The following SMAD9 variants were observed in gnomAD, a reference collection of about 807,000 sequenced individuals.
SMAD9 encodes the protein SMAD family member 9, also known as MAD homolog 9.
Under a neutral mutation model 46.1 loss-of-function variants are expected in SMAD9, and 36 were observed. The observed-to-expected ratio is 0.78, with a 90% CI of 0.60 to 1.03. The LOEUF (loss-of-function observed/expected upper bound fraction) is 1.03, where lower values mean the gene tolerates loss of function less well. Among genes scored for constraint, SMAD9 ranks in the 50% least tolerant of loss-of-function variants. The pLI is 0.00. For synonymous variants in SMAD9, 245 were observed against 237.1 expected (o/e 1.03, Z -0.31); for missense variants, 572 against 599.8 (o/e 0.95, Z 0.48).
In SMAD9 at chr13:36,848,487, C is replaced by A. The variant is rs1451733136; in HGVS notation, c.*189G>T. The A allele has an allele frequency of 3.2e-6, 2 of 633,872 alleles. No individual in the cohort carries two copies. Among genetic ancestry groups the A allele is most frequent in the East Asian group, 5.3e-5 (2 of 37,704 alleles). 39.3% of individuals were successfully genotyped at this position (633,872 alleles called of 1,614,324 possible). ...CACAGGCACCAAAGTCCTGCTTTTC[C>A]AATTGCACTGTACTGGCATCAGGTT... On this transcript the variant is annotated 3_prime_UTR_variant, in exon 7 of 7. Coordinates refer to ENST00000379826, the MANE Select transcript of SMAD9 (RefSeq NM_001127217.3).
intron 1 of SMAD9, among the ~76,000 whole-genome samples, chr13:36,914,064 G>A (rs2058680671): frequency 6.6e-6 from 1 of 152,126 alleles, no homozygotes; most frequent in Non-Finnish European, 1.5e-5. Context: ...AGCTCACTAG[G>A]ATCCTCTCAA....
intron 1 of SMAD9, among the ~76,000 whole-genome samples, chr13:36,911,452 T>G (rs1191110014): frequency 1.3e-5 from 2 of 152,112 alleles, no homozygotes; most frequent in African/African-American, 2.4e-5. Flanking sequence ...TCTATCTACT[T>G]AAGGTAATAT....
intron 1 of SMAD9, among the ~76,000 whole-genome samples, chr13:36,904,690 T>A (rs1277628699): frequency 2.6e-5 from 4 of 152,366 alleles, no homozygotes; most frequent in African/African-American, 9.6e-5. Flanking sequence ...ATCTTCTCAG[T>A]CAGTACCTTG....
intron 1 of SMAD9, among the ~76,000 whole-genome samples, chr13:36,905,789 A>C (rs1443997575): frequency 2.7e-5 from 1 of 36,778 alleles, no homozygotes; most frequent in Non-Finnish European, 5.6e-5. Flanking sequence ...AAAAAAAAAA[A>C]AAAAAAAAAA....
intron 1 of SMAD9, among the ~76,000 whole-genome samples, chr13:36,894,752 C>T: frequency 6.6e-6 from 1 of 152,138 alleles, no homozygotes; most frequent in Non-Finnish European, 1.5e-5. Context: ...TGGCATCATG[C>T]TGATTGAGGT....
In SMAD9 at chr13:36,865,716, G is replaced by C; in HGVS notation, c.824C>G (p.Ser275Trp). Residue 275 changes from serine (S) to tryptophan (W), a missense_variant, in exon 5 of 7, where the codon TCG (serine) becomes TGG (tryptophan). Coordinates refer to ENST00000379826, the MANE Select transcript of SMAD9 (RefSeq NM_001127217.3). ...VCYEEPQHWCSVAYYELNNRV... is the reference protein window; with the variant it reads ...VCYEEPQHWCWVAYYELNNRV... ...GTTGTTCAGTTCATAGTAGGCGACC[G>C]AGCACCAGTGCTGGGGCTCCTCGTA... The C allele has an allele frequency of 3.7e-6, 6 of 1,614,094 alleles. No individual in the cohort carries two copies. The highest frequency in any genetic ancestry group is 5.1e-6 in the Non-Finnish European group (6 of 1,180,014).
chr13:36,887,071 C>T (rs111646187), intron 1 of SMAD9, among the ~76,000 whole-genome samples: 1,341 of 112,624 alleles, frequency 0.012, 12 homozygotes, highest in Non-Finnish European at 0.016. Flanking sequence ...TTTGTAGAGA[C>T]GAGGTCCAGG....
chr13:36,920,435 G>A (rs2058737286), upstream of SMAD9, among the ~76,000 whole-genome samples: 1 of 151,610 alleles, frequency 6.6e-6, no homozygotes, highest in Admixed American at 6.6e-5. Context: ...CTCGCGGCGC[G>A]GGGGTGGCGG....
At chr13:36,905,700 G>A (rs894698744) in intron 1 of SMAD9, among the ~76,000 whole-genome samples, 2 of 146,402 alleles carry the variant, frequency 1.4e-5, no homozygotes, top group Non-Finnish European at 1.5e-5. Flanking sequence ...CTTGAGGCTG[G>A]GGAGTTCGAG....
At chr13:36,878,440 T>G (rs1395053942) in intron 2 of SMAD9, among the ~76,000 whole-genome samples, 1 of 152,214 alleles carries the variant, frequency 6.6e-6, no homozygotes, top group East Asian at 1.9e-4. Flanking sequence ...GGCTACACCA[T>G]ATAGCCTAAC....
At chr13:36,862,006 G>T (rs983398705) in intron 5 of SMAD9, among the ~76,000 whole-genome samples, 1 of 151,756 alleles carries the variant, frequency 6.6e-6, no homozygotes, top group African/African-American at 2.4e-5. Context: ...CAATCTTTTC[G>T]AAAGTGTAAA....
At chr13:36,854,442 A>T (rs2058103744) in intron 5 of SMAD9, among the ~76,000 whole-genome samples, 1 of 151,218 alleles carries the variant, frequency 6.6e-6, no homozygotes, top group Non-Finnish European at 1.5e-5. Context: ...ATTTCAGCTC[A>T]CTGCAACCTC....
intron 2 of SMAD9, among the ~76,000 whole-genome samples, chr13:36,876,274 G>A (rs1027833474): frequency 1.3e-5 from 2 of 152,082 alleles, no homozygotes; most frequent in African/African-American, 4.8e-5. Flanking sequence ...AAGTCATGTG[G>A]TTTTGATATA....
At chr13:36,913,745 C>T (rs1368457677) in intron 1 of SMAD9, among the ~76,000 whole-genome samples, 4 of 152,128 alleles carry the variant, frequency 2.6e-5, no homozygotes, top group African/African-American at 9.7e-5. Flanking sequence ...TTATTCAACT[C>T]CTATTCCTAA....
intron 1 of SMAD9, among the ~76,000 whole-genome samples, chr13:36,897,677 A>AT (rs908624706): frequency 9.9e-5 from 15 of 151,834 alleles, no homozygotes; most frequent in Admixed American, 3.3e-4. Context: ...AAAAATTCCT[A>AT]TTTTTTTTGA....
At chr13:36,860,906 C>G (rs1214096126) in intron 5 of SMAD9, among the ~76,000 whole-genome samples, 3 of 152,108 alleles carry the variant, frequency 2.0e-5, no homozygotes, top group African/African-American at 7.2e-5. Flanking sequence ...ATGAGATGTT[C>G]CAGGCTGCCC....
At chr13:36,858,152 CCT>C (rs1339478698) in intron 5 of SMAD9, among the ~76,000 whole-genome samples, 8 of 152,038 alleles carry the variant, frequency 5.3e-5, no homozygotes, top group African/African-American at 1.7e-4. Flanking sequence ...ATTATATTCC[CCT>C]CTCTGTTTTC....
chr13:36,915,506 C>G (rs1369521018), intron 1 of SMAD9, among the ~76,000 whole-genome samples: 1 of 151,890 alleles, frequency 6.6e-6, no homozygotes, highest in Non-Finnish European at 1.5e-5. Context: ...ATAATCCCCA[C>G]CAGTGAATCA....
At position 36,875,571 on chromosome 13, in the gene SMAD9, G is replaced by GA. The variant is rs113960913; in HGVS notation, c.413-2657dup. Among the ~76,000 whole-genome samples the GA allele has an allele frequency of 2.1e-3, 315 of 150,886 alleles. 2 individuals carry two copies. Among genetic ancestry groups the GA allele is most frequent in the African/African-American group, 6.9e-3 (284 of 41,190 alleles). ...GTATTCATATTCCACAACTATGCAG[G>GA]AAAAAAAAAGATTATGTGCCTCATG... On this transcript the variant is annotated intron_variant, in intron 2 of 6. Transcript: ENST00000379826.
Sources: allele counts gnomAD v4.1 joint callset (sites outside exome capture counted in the v4.1 genomes callset), GRCh38; gene constraint gnomAD v4.1.1; transcripts MANE v1.5; gene names NCBI Gene and HGNC (gene_info 2026-07-23, HGNC 2026-07-21).